MSI2: variants seen among roughly 807,000 people sequenced by gnomAD.
MSI2 encodes musashi RNA binding protein 2.
A neutral mutation model predicts 45.6 loss-of-function variants in MSI2; 17 were observed. That is an observed-to-expected ratio of 0.37 (90% CI 0.26 to 0.56). MSI2 has a LOEUF of 0.56. Among genes scored for constraint, MSI2 ranks in the 20% least tolerant of loss-of-function variants. The pLI is 0.77. For synonymous variants in MSI2, 156 were observed against 158.2 expected (o/e 0.99, Z 0.11); for missense variants, 293 against 444.2 (o/e 0.66, Z 3.06).
intron 6 of MSI2, among the ~76,000 whole-genome samples, chr17:57,428,250 G>T (rs2084530881): frequency 3.9e-5 from 6 of 152,146 alleles, no homozygotes; most frequent in Admixed American, 3.9e-4. Flanking sequence ...ATGAGACAAG[G>T]TCTTACTCTG....
chr17:57,433,964 G>T (rs908421482), intron 6 of MSI2, among the ~76,000 whole-genome samples: 5 of 152,188 alleles, frequency 3.3e-5, no homozygotes, highest in African/African-American at 1.2e-4. Flanking sequence ...TTGATGAATA[G>T]TAATGGTTTA....
At chr17:57,432,719 C>T (rs2084620196) in intron 6 of MSI2, 1 of 152,602 alleles carries the variant, frequency 6.6e-6, no homozygotes, top group African/African-American at 2.4e-5. Flanking sequence ...CCAGTCTGGT[C>T]TCCTGCCCTG....
At chr17:57,493,274 G>A (rs570931897) in intron 6 of MSI2, among the ~76,000 whole-genome samples, 16 of 152,284 alleles carry the variant, frequency 1.1e-4, no homozygotes, top group African/African-American at 3.1e-4. Flanking sequence ...TGCATTGTCC[G>A]AAGAAAGGTA....
chr17:57,556,498 T>A (rs2087438900), intron 7 of MSI2, among the ~76,000 whole-genome samples: 1 of 152,250 alleles, frequency 6.6e-6, no homozygotes, highest in South Asian at 2.1e-4. Flanking sequence ...AGAACGTGTC[T>A]GTGCTGCCAT....
intron 6 of MSI2, chr17:57,449,471 A>T (rs768294749): frequency 1.3e-5 from 2 of 152,224 alleles, no homozygotes; most frequent in Non-Finnish European, 2.9e-5. Context: ...TATTTAATAA[A>T]GTCAGGGTCT....
intron 5 of MSI2, among the ~76,000 whole-genome samples, chr17:57,301,294 T>G (rs1446334883): frequency 2.0e-5 from 3 of 152,128 alleles, no homozygotes; most frequent in African/African-American, 7.2e-5. Context: ...CCTTAAGAAG[T>G]AGGTTTCTTT....
chr17:57,362,755 T>C (rs1431322347), intron 5 of MSI2, among the ~76,000 whole-genome samples: 1 of 152,130 alleles, frequency 6.6e-6, no homozygotes, highest in South Asian at 2.1e-4. Flanking sequence ...GAAAAAAAAA[T>C]TCATACTAAA....
chr17:57,361,925 G>C (rs1413763154), intron 5 of MSI2, among the ~76,000 whole-genome samples: 1 of 152,196 alleles, frequency 6.6e-6, no homozygotes, highest in Non-Finnish European at 1.5e-5. Flanking sequence ...TACAAAGATA[G>C]AAAAATGGAA....
chr17:57,579,870 C>T (rs2088155573), intron 7 of MSI2, among the ~76,000 whole-genome samples: 1 of 152,158 alleles, frequency 6.6e-6, no homozygotes, highest in Non-Finnish European at 1.5e-5. Context: ...CACAGCCAAT[C>T]AGTTGTGGAA....
chr17:57,540,277 T>C (rs752475267), intron 7 of MSI2, among the ~76,000 whole-genome samples: 1 of 152,206 alleles, frequency 6.6e-6, no homozygotes, highest in Admixed American at 6.5e-5. Context: ...ATTATTGTTA[T>C]TTTACTACTA....
At chr17:57,305,448 T>A (rs1390745827) in intron 5 of MSI2, among the ~76,000 whole-genome samples, 1 of 152,178 alleles carries the variant, frequency 6.6e-6, no homozygotes, top group African/African-American at 2.4e-5. Context: ...GTTAATAAAT[T>A]AATCTTCTGG....
chr17:57,304,104 A>G (rs1911658731), intron 5 of MSI2, among the ~76,000 whole-genome samples: 1 of 152,150 alleles, frequency 6.6e-6, no homozygotes, highest in African/African-American at 2.4e-5. Flanking sequence ...CACGCCTGTA[A>G]TCCCAGCACT....
chr17:57,424,524 C>T (rs1254693113), intron 6 of MSI2, among the ~76,000 whole-genome samples: 1 of 152,196 alleles, frequency 6.6e-6, no homozygotes, highest in Non-Finnish European at 1.5e-5. Flanking sequence ...AAAGTTTTCT[C>T]ATAGCTCCAG....
intron 6 of MSI2, among the ~76,000 whole-genome samples, chr17:57,511,482 C>T (rs2086354238): frequency 6.6e-6 from 1 of 152,158 alleles, no homozygotes; most frequent in Non-Finnish European, 1.5e-5. Flanking sequence ...TGGGGCTCCT[C>T]GGCTTTCGAG....
At chr17:57,508,812 A>G (rs2086291089) in intron 6 of MSI2, among the ~76,000 whole-genome samples, 1 of 152,178 alleles carries the variant, frequency 6.6e-6, no homozygotes, top group African/African-American at 2.4e-5. Flanking sequence ...CTGTGCTGGG[A>G]GGCTTGCACC....
intron 6 of MSI2, among the ~76,000 whole-genome samples, chr17:57,503,075 G>A (rs1291863098): frequency 6.6e-6 from 1 of 152,090 alleles, no homozygotes; most frequent in Non-Finnish European, 1.5e-5. Context: ...CATTCACCAG[G>A]CCTATCTCCG....
At chr17:57,289,741 T>C (rs1910245601) in intron 5 of MSI2, among the ~76,000 whole-genome samples, 1 of 152,222 alleles carries the variant, frequency 6.6e-6, no homozygotes, top group African/African-American at 2.4e-5. Context: ...AAACACTCAG[T>C]GATGCTACTT....
At chr17:57,290,450 A>G (rs1910306803) in intron 5 of MSI2, among the ~76,000 whole-genome samples, 1 of 152,200 alleles carries the variant, frequency 6.6e-6, no homozygotes, top group Non-Finnish European at 1.5e-5. Context: ...TTGGCACTAC[A>G]GGCACATGCC....
Position 57,596,459 on chromosome 17 carries a change from C to G in MSI2, c.455-409C>G, listed in dbSNP as rs917967332. Among the ~76,000 whole-genome samples the G allele has an allele frequency of 6.6e-6, 1 of 152,218 alleles. No individual in the cohort carries two copies. The highest frequency in any genetic ancestry group is 2.4e-5 in the African/African-American group (1 of 41,446). ...ACAAATAACCACCTCCGTCTGGAGG[C>G]CGACCCGAGGGCTGGCCAGGGCTGC... is the stretch of plus-strand genomic sequence containing the variant. On this transcript the variant is annotated intron_variant, in intron 7 of 13. Transcript: ENST00000284073. The surrounding 1 kb of genome is among the most constrained non-coding windows in gnomAD (Gnocchi z 4.6).
Sources: gnomAD v4.1 joint callset for allele counts (sites outside exome capture counted in the v4.1 genomes callset) on GRCh38, gnomAD v4.1.1 for gene constraint, Gnocchi (gnomAD v3.1) non-coding constraint, MANE v1.5 for transcripts, NCBI Gene and HGNC (gene_info 2026-07-23, HGNC 2026-07-21) for gene names.